Variants in EDARADD observed in about 807,000 individuals in gnomAD.
EDARADD encodes ectodysplasin-A receptor-associated adapter protein.
A neutral mutation model predicts 25.6 loss-of-function variants in EDARADD; 20 were observed. The ratio of observed to expected loss-of-function variants is 0.78; its 90% CI spans 0.55 to 1.14. The LOEUF (loss-of-function observed/expected upper bound fraction) is 1.14. EDARADD is among the 50% of genes most tolerant of loss of function. EDARADD has a pLI of 0.00. For synonymous variants in EDARADD, 86 were observed against 94.4 expected (o/e 0.91, Z 0.52); for missense variants, 225 against 270.1 (o/e 0.83, Z 1.17).
chr1:236,432,125 T>G (rs1436262412), intron 4 of EDARADD, among the ~76,000 whole-genome samples: 1 of 152,070 alleles, frequency 6.6e-6, no homozygotes, highest in Non-Finnish European at 1.5e-5. Flanking sequence ...TGCATAAGCA[T>G]ATGGCAAATG....
intron 2 of EDARADD, 133 bp from the exon 3 acceptor site, chr1:236,414,127 A>G: frequency 2.6e-6 from 2 of 757,664 alleles, no homozygotes; most frequent in South Asian, 1.5e-5. Context: ...GGATAAGGCC[A>G]GTTGATAAGT....
chr1:236,372,749 G>A (rs1403761288), intron 3 of EDARADD, among the ~76,000 whole-genome samples: 3 of 151,960 alleles, frequency 2.0e-5, no homozygotes, highest in Non-Finnish European at 4.4e-5. Context: ...ATAGATAATA[G>A]GCTTATTCAA....
At chr1:236,461,564 G>C (rs1659039181) in intron 4 of EDARADD, among the ~76,000 whole-genome samples, 1 of 152,220 alleles carries the variant, frequency 6.6e-6, no homozygotes, top group Non-Finnish European at 1.5e-5. Flanking sequence ...AGTATAACTT[G>C]AAAGCAGGTA....
intron 4 of EDARADD, among the ~76,000 whole-genome samples, chr1:236,437,830 C>T (rs1340664441): frequency 6.6e-6 from 1 of 150,698 alleles, no homozygotes; most frequent in East Asian, 1.9e-4. Context: ...CCCACTGCGA[C>T]CTTTGCCTCC....
chr1:236,414,262 A>G lies in EDARADD; in HGVS notation c.123A>G (p.Ser41=). ...TDPSTLSFNM[S]DKYPIQDTEL... is the part of the protein sequence containing the mutation. Reference sequence around the variant, plus strand: ...TCCTCTTTTGTTGGTTTCTACAGTCAGACAAATATCCCATTCAAGATACGG... The same window carrying G: ...TCCTCTTTTGTTGGTTTCTACAGTCGGACAAATATCCCATTCAAGATACGG... Residue 41 remains serine (S), a splice_region_variant and synonymous_variant, in exon 3 of 6, where the codon TCA becomes TCG. Transcript: ENST00000334232. 6.2e-7 allele frequency: 1 copy of G among 1,610,268 alleles called. No homozygotes were observed. Among genetic ancestry groups the G allele is most frequent in the Admixed American group, 1.7e-5 (1 of 60,014 alleles).
intron 2 of EDARADD, among the ~76,000 whole-genome samples, chr1:236,410,807 G>A (rs1198752122): frequency 1.3e-5 from 2 of 152,148 alleles, no homozygotes; most frequent in African/African-American, 2.4e-5. Flanking sequence ...CGGACCTGAG[G>A]TGTTTGTTTT....
At chr1:236,394,260 A>G, upstream of EDARADD, 1 of 619,600 alleles carries the variant, frequency 1.6e-6, no homozygotes, top group Non-Finnish European at 2.8e-6. Flanking sequence ...TACCCTTAAA[A>G]AAAATTTCCC....
Position 236,395,718 on chromosome 1 carries a change from G to C in EDARADD, c.61+1213G>C, listed in dbSNP as rs1667503732. On this transcript the variant is annotated intron_variant, in intron 1 of 5. Coordinates refer to ENST00000334232, the MANE Select transcript of EDARADD (RefSeq NM_145861.4). The surrounding 1 kb of genome is among the most constrained non-coding windows in gnomAD (Gnocchi z 6.9). ...AGCGAGCACCGCGGGGCGGGAGCTC[G>C]GGAGGCGCTCGCAGCAGCCGCAGGG... The C allele has an allele frequency of 2.0e-6, 3 of 1,525,260 alleles. No individual in the cohort carries two copies. Among genetic ancestry groups the C allele is most frequent in the Non-Finnish European group, 1.8e-6 (2 of 1,142,052 alleles). The allele number at this position is 1,525,260 out of a possible 1,614,324, so 94.5% of individuals were successfully genotyped here.
intron 3 of EDARADD, among the ~76,000 whole-genome samples, chr1:236,363,815 G>A (rs1308839041): frequency 6.6e-6 from 1 of 152,072 alleles, no homozygotes; most frequent in African/African-American, 2.4e-5. Flanking sequence ...TGCCATCATT[G>A]TGTTTCCTAT....
intron 3 of EDARADD, among the ~76,000 whole-genome samples, chr1:236,371,345 G>T (rs957112381): frequency 6.6e-6 from 1 of 152,080 alleles, no homozygotes; most frequent in African/African-American, 2.4e-5. Context: ...GAATATTTCA[G>T]ATTTTCTACA....
chr1:236,370,227 C>T (rs1667159503), intron 3 of EDARADD, among the ~76,000 whole-genome samples: 1 of 152,104 alleles, frequency 6.6e-6, no homozygotes, highest in Non-Finnish European at 1.5e-5. Context: ...TCAAGACCAG[C>T]CTGGACAACA....
chr1:236,406,295 A>G (rs1354321502), intron 1 of EDARADD, among the ~76,000 whole-genome samples: 1 of 152,150 alleles, frequency 6.6e-6, no homozygotes, highest in African/African-American at 2.4e-5. Context: ...ATGGGAAGGA[A>G]AAACTGGAAA....
intron 3 of EDARADD, among the ~76,000 whole-genome samples, chr1:236,384,024 A>G (rs1443324789): frequency 6.6e-6 from 1 of 152,136 alleles, no homozygotes; most frequent in African/African-American, 2.4e-5. Context: ...ATAAAATAAA[A>G]TAATATTTTT....
chr1:236,366,519 A>G (rs1187032580), intron 3 of EDARADD, among the ~76,000 whole-genome samples: 1 of 151,842 alleles, frequency 6.6e-6, no homozygotes, highest in Non-Finnish European at 1.5e-5. Flanking sequence ...GATGATTAGC[A>G]CTCCACTGAG....
At chr1:236,437,571 T>C (rs1558124395) in intron 4 of EDARADD, among the ~76,000 whole-genome samples, 1 of 151,896 alleles carries the variant, frequency 6.6e-6, no homozygotes, top group East Asian at 1.9e-4. Flanking sequence ...TGGATTTGGG[T>C]TGTGGCAGGG....
At chr1:236,374,019 C>A (rs1047284007) in intron 3 of EDARADD, among the ~76,000 whole-genome samples, 40 of 152,150 alleles carry the variant, frequency 2.6e-4, no homozygotes, top group African/African-American at 9.6e-4. Flanking sequence ...CCACTGTGGT[C>A]TAAGAGCAGA....
Position 236,455,890 on chromosome 1 carries a change from C to T in EDARADD, c.220-12341C>T, listed in dbSNP as rs555253356. Among the ~76,000 whole-genome samples, 79 of 151,980 alleles carry T rather than the reference C, an allele frequency of 5.2e-4. 1 individual carries two copies. The highest frequency in any genetic ancestry group is 1.7e-3 in the African/African-American group (71 of 41,464). Reference sequence around the variant, plus strand: ...CTGCAACCTCTGCCTCCCGGGTTCACGCCATTCTCCTGCCTCAGCCTCCTG... The same window carrying T: ...CTGCAACCTCTGCCTCCCGGGTTCATGCCATTCTCCTGCCTCAGCCTCCTG... On this transcript the variant is annotated intron_variant, in intron 4 of 5. Coordinates refer to ENST00000334232, the MANE Select transcript of EDARADD (RefSeq NM_145861.4).
intron 4 of EDARADD, among the ~76,000 whole-genome samples, chr1:236,430,712 T>G (rs1448458365): frequency 6.6e-6 from 1 of 152,238 alleles, no homozygotes; most frequent in Admixed American, 6.5e-5. Context: ...TGCTAGATAC[T>G]CAGAAGGATT....
Position 236,482,921 on chromosome 1 carries a change from G to A in EDARADD, c.*272G>A, listed in dbSNP as rs760609411. 3.2e-4 allele frequency: 191 copies of A among 605,402 alleles called. 1 individual carries two copies. Among genetic ancestry groups the A allele is most frequent in the Admixed American group, 1.7e-3 (57 of 33,542 alleles). 37.5% of individuals were successfully genotyped at this position (605,402 alleles called of 1,614,324 possible). ...CTCTAAGGGCCAAAGTCCTACAATC[G>A]GAATGGATTCATGCCACGTTGAAGA... On this transcript the variant is annotated 3_prime_UTR_variant, in exon 6 of 6. Coordinates refer to ENST00000334232, the MANE Select transcript of EDARADD (RefSeq NM_145861.4).
Sources: gnomAD v4.1 joint callset for allele counts (sites outside exome capture counted in the v4.1 genomes callset) on GRCh38, gnomAD v4.1.1 for gene constraint, Gnocchi (gnomAD v3.1) non-coding constraint, MANE v1.5 for transcripts, NCBI Gene and HGNC (gene_info 2026-07-23, HGNC 2026-07-21) for gene names.